Variants in ARHGAP25 observed in about 807,000 individuals in gnomAD.
ARHGAP25 encodes rho GTPase-activating protein 25.
Under a neutral mutation model 71.0 loss-of-function variants are expected in ARHGAP25, and 34 were observed. That is an observed-to-expected ratio of 0.48 (90% CI 0.36 to 0.64). The LOEUF (loss-of-function observed/expected upper bound fraction) is 0.64, where lower values mean the gene tolerates loss of function less well. ARHGAP25 is among the 30% of genes least tolerant of loss of function. The pLI, the probability that ARHGAP25 is intolerant of heterozygous loss-of-function variation, is 0.00. For synonymous variants in ARHGAP25, 282 were observed against 296.5 expected, an observed-to-expected ratio of 0.95 and a Z score of 0.50; for missense variants, 706 against 805.1, an observed-to-expected ratio of 0.88 and a Z score of 1.49.
chr2:68,819,276 C>T lies in ARHGAP25; in HGVS notation c.1157C>T (p.Thr386Ile). Residue 386 changes from threonine (T) to isoleucine (I), a missense_variant, in exon 9 of 11, where the codon ACT becomes ATT. Thr to Ile is a moderately conservative substitution (Grantham distance 89). Coordinates refer to ENST00000409202, the MANE Select transcript of ARHGAP25 (RefSeq NM_001007231.3). ...VARSSVGWDA[T>I]EDLRISRTDS... ...CGAAGCTCTGTAGGCTGGGATGCCA[C>T]TGAAGACCTCCGAATTTCTAGGACA... is the stretch of plus-strand genomic sequence containing the variant. 2 of 1,614,198 alleles carry T rather than the reference C, an allele frequency of 1.2e-6. No individual in the cohort carries two copies. The highest frequency in any genetic ancestry group is 1.7e-6 in the Non-Finnish European group (2 of 1,180,040).
At chr2:68,777,636 G>A (rs2104380674) in intron 2 of ARHGAP25, among the ~76,000 whole-genome samples, 1 of 152,170 alleles carries the variant, frequency 6.6e-6, no homozygotes, top group East Asian at 1.9e-4. Context: ...TAATACATCG[G>A]ATCAATAGGT....
chr2:68,746,704 C>CA (rs1558610817), intron 1 of ARHGAP25, among the ~76,000 whole-genome samples: 1 of 60,630 alleles, frequency 1.6e-5, no homozygotes, highest in Non-Finnish European at 3.8e-5. Flanking sequence ...ACAGGGACCA[C>CA]CCCCCTCCCC....
At chr2:68,739,527 GATGAAAA>G (rs1387257382) in intron 1 of ARHGAP25, among the ~76,000 whole-genome samples, 3 of 152,198 alleles carry the variant, frequency 2.0e-5, no homozygotes, top group African/African-American at 7.2e-5. Context: ...GAAGTAAGTT[GATGAAAA>G]TGGTCCTATC....
At chr2:68,800,806 A>C (rs1461942180) in intron 4 of ARHGAP25, among the ~76,000 whole-genome samples, 1 of 152,176 alleles carries the variant, frequency 6.6e-6, no homozygotes, top group Non-Finnish European at 1.5e-5. Context: ...ATCTGGGGTC[A>C]GTTCTCAGCA....
At chr2:68,759,289 A>C (rs7560471) in intron 1 of ARHGAP25, among the ~76,000 whole-genome samples, 127,763 of 150,872 alleles carry the variant, frequency 0.85, 54,336 homozygotes, top group African/African-American at 0.9. Context: ...TTAACAAAAC[A>C]AAAACTTAGC....
intron 2 of ARHGAP25, among the ~76,000 whole-genome samples, chr2:68,777,059 T>A (rs942179793): frequency 2.6e-5 from 4 of 152,124 alleles, no homozygotes; most frequent in Non-Finnish European, 5.9e-5. Context: ...GGCTCTTGCC[T>A]CATGTTCTGT....
chr2:68,747,798 C>T (rs1675926062), intron 1 of ARHGAP25, among the ~76,000 whole-genome samples: 1 of 152,216 alleles, frequency 6.6e-6, no homozygotes, highest in South Asian at 2.1e-4. Flanking sequence ...ATGTTTTCCC[C>T]TTCCACTCCA....
intron 2 of ARHGAP25, among the ~76,000 whole-genome samples, chr2:68,710,937 T>C (rs1674466191): frequency 6.6e-6 from 1 of 152,212 alleles, no homozygotes; most frequent in African/African-American, 2.4e-5. Flanking sequence ...TAGTGTGGAC[T>C]CACCTTATAT....
intron 1 of ARHGAP25, among the ~76,000 whole-genome samples, chr2:68,737,775 G>A (rs1475541666): frequency 6.6e-6 from 1 of 152,202 alleles, no homozygotes; most frequent in African/African-American, 2.4e-5. Context: ...TGGGCCCTTG[G>A]TGAAATAGCA....
Position 68,819,281 on chromosome 2 carries a change from G to C in ARHGAP25, c.1162G>C (p.Asp388His). The change falls in exon 9 of 11, where the codon GAC (aspartate) becomes CAC (histidine). Residue 388 changes from aspartate (D) to histidine (H), a missense_variant. Asp to His is a moderately conservative substitution (Grantham distance 81, BLOSUM62 -1). Coordinates refer to ENST00000409202, the MANE Select transcript of ARHGAP25 (RefSeq NM_001007231.3). The stretch of plus-strand genomic sequence containing the variant: ...CTCTGTAGGCTGGGATGCCACTGAA[G>C]ACCTCCGAATTTCTAGGACAGACAG... ...RSSVGWDATE[D>H]LRISRTDSFS... 1 of 1,614,164 alleles carries C rather than the reference G, an allele frequency of 6.2e-7. No homozygotes were observed. The highest frequency in any genetic ancestry group is 8.5e-7 in the Non-Finnish European group (1 of 1,180,036).
At chr2:68,720,623 T>G (rs188002619) in intron 2 of ARHGAP25, among the ~76,000 whole-genome samples, 1 of 152,230 alleles carries the variant, frequency 6.6e-6, no homozygotes, top group Non-Finnish European at 1.5e-5. Flanking sequence ...CTACGCTAGA[T>G]GTTTTGGGGC....
Position 68,807,490 on chromosome 2 carries a change from C to G in ARHGAP25, c.674+10C>G, listed in dbSNP as rs367891735. On this transcript the variant is annotated intron_variant, in intron 5 of 10. Coordinates refer to ENST00000409202, the MANE Select transcript of ARHGAP25 (RefSeq NM_001007231.3). ...GGCCCTCCTTTGACAGGTACATTGC[C>G]CCACTGCAGTGTCCCACCTCTGCCC... The G allele has an allele frequency of 1.2e-6, 2 of 1,612,830 alleles. No individual in the cohort carries two copies. Among genetic ancestry groups the G allele is most frequent in the Non-Finnish European group, 1.7e-6 (2 of 1,179,206 alleles).
At chr2:68,817,421 A>G (rs950830645) in intron 7 of ARHGAP25, among the ~76,000 whole-genome samples, 9 of 152,334 alleles carry the variant, frequency 5.9e-5, no homozygotes, top group African/African-American at 2.2e-4. Flanking sequence ...TGCTCTAATC[A>G]GAGGATGAGA....
In ARHGAP25 at chr2:68,823,990, G is replaced by A. The variant is rs141544660; in HGVS notation, c.1733+1118G>A. Among the ~76,000 whole-genome samples the A allele has an allele frequency of 2.6e-5, 4 of 152,262 alleles. No individual in the cohort carries two copies. In the East Asian group the frequency reaches 7.7e-4, roughly 29 times the overall value. On this transcript the variant is annotated intron_variant, in intron 10 of 10. Transcript: ENST00000409202. ...ATGAGGCAGTGAAATGTGAATTCGT[G>A]GGCTCTTAGATTTATGGCTACGTCT...
chr2:68,757,301 A>G (rs984692086), intron 1 of ARHGAP25, among the ~76,000 whole-genome samples: 14 of 152,178 alleles, frequency 9.2e-5, no homozygotes, highest in African/African-American at 3.1e-4. Flanking sequence ...AGACATGAAT[A>G]TAAACATCCA....
Position 68,773,951 on chromosome 2 carries a change from A to C in ARHGAP25, c.62-1270A>C, listed in dbSNP as rs1413008763. The stretch of plus-strand genomic sequence containing the variant: ...ATTATCCTAATTTAGCAAGTGAGGA[A>C]GCCGAGGCTCAGAGAAGCATAATTT... On this transcript the variant is annotated intron_variant, in intron 1 of 10. Coordinates refer to ENST00000409202, the MANE Select transcript of ARHGAP25 (RefSeq NM_001007231.3). Among the ~76,000 whole-genome samples the C allele has an allele frequency of 3.3e-5, 5 of 152,340 alleles. No individual in the cohort carries two copies. The East Asian group carries it at 9.6e-4, about 29-fold the overall frequency.
chr2:68,778,463 T>C (rs926614041), intron 2 of ARHGAP25, among the ~76,000 whole-genome samples: 4 of 152,182 alleles, frequency 2.6e-5, no homozygotes, highest in Non-Finnish European at 4.4e-5. Context: ...ACATACAATT[T>C]CTAATGTCTC....
At chr2:68,766,702 C>T (rs1206238979) in intron 1 of ARHGAP25, among the ~76,000 whole-genome samples, 3 of 151,548 alleles carry the variant, frequency 2.0e-5, no homozygotes, top group Non-Finnish European at 4.4e-5. Context: ...CAGTACTCCT[C>T]TCTCTCTCCC....
At chr2:68,782,105 C>A in intron 2 of ARHGAP25, 128 bp from the exon 3 acceptor site, 1 of 785,650 alleles carries the variant, frequency 1.3e-6, no homozygotes, top group Non-Finnish European at 2.0e-6. Context: ...AACTGGGAGG[C>A]TAGCTTCCCA....
Sources: gnomAD v4.1 joint callset for allele counts (sites outside exome capture counted in the v4.1 genomes callset) on GRCh38, gnomAD v4.1.1 for gene constraint, MANE v1.5 for transcripts, NCBI Gene and HGNC (gene_info 2026-07-23, HGNC 2026-07-21) for gene names.